RNF152: variants seen among roughly 807,000 people sequenced by gnomAD.
RNF152 encodes the protein ring finger protein 152, also known as E3 ubiquitin-protein ligase RNF152.
Under a neutral mutation model 12.7 loss-of-function variants are expected in RNF152, and 11 were observed. The observed-to-expected ratio is 0.86, with a 90% CI of 0.54 to 1.43. RNF152 has a LOEUF of 1.43. RNF152 is among the 40% of genes most tolerant of loss of function. The probability of loss-of-function intolerance (pLI) is 0.00; values close to 1 mark genes in which losing one functional copy is unlikely to be tolerated. For missense variants in RNF152, 255 were observed against 274.8 expected, an observed-to-expected ratio of 0.93 and a Z score of 0.51; for synonymous variants, 113 against 120.3, an observed-to-expected ratio of 0.94 and a Z score of 0.40.
At chr18:61,864,284 C>T (rs927074121) in intron 1 of RNF152, among the ~76,000 whole-genome samples, 4 of 152,218 alleles carry the variant, frequency 2.6e-5, no homozygotes, top group African/African-American at 9.6e-5. Flanking sequence ...TGGGGTTTCT[C>T]ACAACCCCCT....
At position 61,823,687 on chromosome 18, in the gene RNF152, G is replaced by C. The variant is rs188385673; in HGVS notation, c.-135-7089C>G. Among the ~76,000 whole-genome samples, 18 of 152,380 alleles carry C rather than the reference G, an allele frequency of 1.2e-4. No individual in the cohort carries two copies. In the East Asian group the frequency reaches 3.5e-3, roughly 29 times the overall value. ...TGGAGGCCAACTGGCCCAGGTGGCAGAGGCAGGCAGGATGGGACAGAGAGA... is the reference window on the plus strand; with the variant it reads ...TGGAGGCCAACTGGCCCAGGTGGCACAGGCAGGCAGGATGGGACAGAGAGA... On this transcript the variant is annotated intron_variant, in intron 1 of 1. Coordinates refer to ENST00000312828, the MANE Select transcript of RNF152 (RefSeq NM_173557.3).
intron 1 of RNF152, among the ~76,000 whole-genome samples, chr18:61,820,725 C>T (rs970033546): frequency 6.6e-6 from 1 of 152,064 alleles, no homozygotes. Flanking sequence ...CAGTGACCAC[C>T]GATTTATGTA....
intron 1 of RNF152, among the ~76,000 whole-genome samples, chr18:61,840,957 A>G (rs1910426544): frequency 6.6e-6 from 1 of 152,142 alleles, no homozygotes; most frequent in South Asian, 2.1e-4. Flanking sequence ...CCCAGCTTCC[A>G]TCTCCAGAAG....
chr18:61,867,382 G>A (rs1911783085), intron 1 of RNF152, among the ~76,000 whole-genome samples: 1 of 151,862 alleles, frequency 6.6e-6, no homozygotes. Context: ...AACCTGGGAG[G>A]CAGAGGTTGC....
intron 1 of RNF152, among the ~76,000 whole-genome samples, chr18:61,828,704 C>T (rs1242640473): frequency 3.3e-5 from 5 of 152,142 alleles, no homozygotes; most frequent in Non-Finnish European, 7.4e-5. Context: ...ACTTCTTATT[C>T]GTATTTCCCA....
intron 1 of RNF152, among the ~76,000 whole-genome samples, chr18:61,820,189 C>T (rs1385703347): frequency 6.7e-6 from 1 of 149,342 alleles, no homozygotes; most frequent in East Asian, 2.0e-4. Flanking sequence ...ATTAGCCAGG[C>T]ATGGTGGCGG....
At chr18:61,868,409 G>A (rs1911835594) in intron 1 of RNF152, among the ~76,000 whole-genome samples, 1 of 152,154 alleles carries the variant, frequency 6.6e-6, no homozygotes, top group Non-Finnish European at 1.5e-5. Context: ...AAGGTCATTA[G>A]AATAAGTACA....
chr18:61,828,749 T>C (rs896380149), intron 1 of RNF152, among the ~76,000 whole-genome samples: 1 of 152,234 alleles, frequency 6.6e-6, no homozygotes, highest in Admixed American at 6.5e-5. Context: ...CTACTATTAA[T>C]GTAGGCACAT....
At chr18:61,830,025 C>CTT (rs552091117) in intron 1 of RNF152, among the ~76,000 whole-genome samples, 37,989 of 143,180 alleles carry the variant, frequency 0.27, 5,742 homozygotes, top group Non-Finnish European at 0.35. Flanking sequence ...CAGAGAGCTT[C>CTT]TTTTTTTTTT....
intron 1 of RNF152, among the ~76,000 whole-genome samples, chr18:61,885,094 T>A (rs956156436): frequency 2.6e-4 from 39 of 152,292 alleles, no homozygotes; most frequent in Admixed American, 1.8e-3. Flanking sequence ...ATGGCAGTAA[T>A]CTTATGTCTC....
chr18:61,874,392 C>G (rs567018309), intron 1 of RNF152, among the ~76,000 whole-genome samples: 1 of 152,206 alleles, frequency 6.6e-6, no homozygotes, highest in Non-Finnish European at 1.5e-5. Context: ...TTAGCATGCA[C>G]AGAGTGGAAA....
At chr18:61,835,810 G>T (rs1042526829) in intron 1 of RNF152, among the ~76,000 whole-genome samples, 3 of 152,066 alleles carry the variant, frequency 2.0e-5, no homozygotes, top group Non-Finnish European at 4.4e-5. Context: ...TGTTGGTATT[G>T]GTATTGATAC....
chr18:61,891,038 C>G (rs1160226262), intron 1 of RNF152, among the ~76,000 whole-genome samples: 1 of 152,138 alleles, frequency 6.6e-6, no homozygotes, highest in African/African-American at 2.4e-5. Context: ...ATAGGGAGTT[C>G]AATTTTGTGT....
At chr18:61,852,545 C>T (rs544065764) in intron 1 of RNF152, among the ~76,000 whole-genome samples, 100 of 152,214 alleles carry the variant, frequency 6.6e-4, no homozygotes, top group Non-Finnish European at 8.8e-4. Context: ...CTCAAAAGAA[C>T]ATCTAGATTG....
In RNF152 at chr18:61,871,776, C is replaced by A. The variant is rs573841107; in HGVS notation, c.-136+21019G>T. 3.3e-5 allele frequency among the ~76,000 whole-genome samples: 5 copies of A among 152,258 alleles called. No homozygotes were observed. The East Asian group carries it at 9.7e-4, about 29-fold the overall frequency. ...ACCTTGGAGCTGCAGAGCCCTTGGT[C>A]TATCAAGTTACCTCTTTTAGTCTCA... On this transcript the variant is annotated intron_variant, in intron 1 of 1. Transcript: ENST00000312828.
At chr18:61,835,781 C>T (rs1568270939) in intron 1 of RNF152, among the ~76,000 whole-genome samples, 1 of 152,138 alleles carries the variant, frequency 6.6e-6, no homozygotes, top group Non-Finnish European at 1.5e-5. Context: ...CAGTCTTGAA[C>T]TTTACCTATT....
Position 61,809,262 on chromosome 18 carries a change from T to C in RNF152, c.*6590A>G, listed in dbSNP as rs2038027493. 1 of 152,154 alleles carries C rather than the reference T, an allele frequency of 6.6e-6. No homozygotes were observed. The highest frequency in any genetic ancestry group is 6.6e-5 in the Admixed American group (1 of 15,266). The allele number at this position is 152,154 out of a possible 1,614,324, so 9.4% of individuals were successfully genotyped here. A position where few individuals can be genotyped will look rare whatever the true frequency, so the allele number is the denominator to read the frequency against. On this transcript the variant is annotated 3_prime_UTR_variant, in exon 2 of 2. Coordinates refer to ENST00000312828, the MANE Select transcript of RNF152 (RefSeq NM_173557.3). ...TTGTCCCTCAACCCAGAAAATCCTATGAGGATTTGTAAATGAAATCCTCAT... is the reference window on the plus strand; with the variant it reads ...TTGTCCCTCAACCCAGAAAATCCTACGAGGATTTGTAAATGAAATCCTCAT...
intron 1 of RNF152, among the ~76,000 whole-genome samples, chr18:61,872,167 C>G (rs1912025617): frequency 6.6e-6 from 1 of 152,086 alleles, no homozygotes; most frequent in South Asian, 2.1e-4. Context: ...CACTTTTAAA[C>G]AACTAGGTCT....
chr18:61,872,895 T>C (rs934103005), intron 1 of RNF152, among the ~76,000 whole-genome samples: 2 of 152,202 alleles, frequency 1.3e-5, no homozygotes, highest in Admixed American at 1.3e-4. Context: ...CTCATTTTTG[T>C]AGTGAGCAAA....
Sources: allele counts gnomAD v4.1 joint callset (sites outside exome capture counted in the v4.1 genomes callset), GRCh38; gene constraint gnomAD v4.1.1; transcripts MANE v1.5; gene names NCBI Gene and HGNC (gene_info 2026-07-23, HGNC 2026-07-21).